The following CADPS2 variants were observed in gnomAD, a reference collection of about 807,000 sequenced individuals.
CADPS2 encodes calcium-dependent secretion activator 2.
A neutral mutation model predicts 172.5 loss-of-function variants in CADPS2; 93 were observed. The ratio of observed to expected loss-of-function variants is 0.54; its 90% CI spans 0.46 to 0.64. The LOEUF (loss-of-function observed/expected upper bound fraction) is 0.64. CADPS2 is among the 30% of genes least tolerant of loss of function. The pLI is 0.00. For missense variants in CADPS2, 1,420 were observed against 1,565.9 expected (o/e 0.91, Z 1.57); for synonymous variants, 546 against 555.2 (o/e 0.98, Z 0.23).
At chr7:122,603,460 GA>G (rs11451995) in intron 6 of CADPS2, among the ~76,000 whole-genome samples, 5 of 147,928 alleles carry the variant, frequency 3.4e-5, no homozygotes, top group Admixed American at 6.7e-5. Context: ...TACATGAGCA[GA>G]AAAAAAAAAC....
intron 1 of CADPS2, among the ~76,000 whole-genome samples, chr7:122,765,706 C>T (rs1303321668): frequency 6.6e-6 from 1 of 152,046 alleles, no homozygotes; most frequent in African/African-American, 2.4e-5. Flanking sequence ...CAATAATTGA[C>T]ATCCTTGTAT....
At chr7:122,701,076 T>C (rs2085978915) in intron 2 of CADPS2, among the ~76,000 whole-genome samples, 1 of 152,044 alleles carries the variant, frequency 6.6e-6, no homozygotes, top group African/African-American at 2.4e-5. Flanking sequence ...GTACAAGAAT[T>C]AGTATTAAAA....
rs1026274032 is a variant in CADPS2 at position 122,701,333 on chromosome 7, C to T, written c.453+35622G>A. Among the ~76,000 whole-genome samples the T allele has an allele frequency of 9.9e-5, 15 of 151,862 alleles. 1 individual carries two copies. In the South Asian group the frequency reaches 2.5e-3, roughly 25 times the overall value. On this transcript the variant is annotated intron_variant, in intron 2 of 29. Coordinates refer to ENST00000449022, the MANE Select transcript of CADPS2 (RefSeq NM_017954.11). The stretch of plus-strand genomic sequence containing the variant: ...GAAACCATCATTCTCAGCGAACTAT[C>T]GCAAGGACAAAAAACCAAACACCGC...
chr7:122,461,774 T>C (rs2054475281), intron 14 of CADPS2, among the ~76,000 whole-genome samples: 1 of 152,022 alleles, frequency 6.6e-6, no homozygotes, highest in Non-Finnish European at 1.5e-5. Context: ...TTTGCATTTT[T>C]CAGTAGAGAG....
chr7:122,681,233 T>C (rs1186414746), intron 2 of CADPS2: 39 of 700,770 alleles, frequency 5.6e-5, no homozygotes, highest in Non-Finnish European at 6.9e-5. Flanking sequence ...ACATATGTAA[T>C]GAACCTGCAC....
chr7:122,663,943 A>G (rs756365345), intron 2 of CADPS2, among the ~76,000 whole-genome samples: 5 of 152,086 alleles, frequency 3.3e-5, no homozygotes, highest in Non-Finnish European at 5.9e-5. Context: ...GTTCAGAGTG[A>G]AAGGACAGCT....
intron 9 of CADPS2, among the ~76,000 whole-genome samples, chr7:122,501,645 C>T (rs546709731): frequency 2.6e-5 from 4 of 151,914 alleles, no homozygotes; most frequent in African/African-American, 9.6e-5. Context: ...ATCAGGAGAT[C>T]GAGACCATCC....
intron 17 of CADPS2, among the ~76,000 whole-genome samples, chr7:122,436,631 A>G (rs969154613): frequency 1.3e-5 from 2 of 152,082 alleles, no homozygotes; most frequent in African/African-American, 4.8e-5. Flanking sequence ...AAGACTGCTC[A>G]GCATTCCTAC....
intron 2 of CADPS2, among the ~76,000 whole-genome samples, chr7:122,682,926 A>G (rs897672672): frequency 2.0e-5 from 3 of 152,198 alleles, no homozygotes; most frequent in East Asian, 3.9e-4. Context: ...GAGAGAGAAC[A>G]TGCAAGCAAG....
chr7:122,699,064 G>A, intron 2 of CADPS2: 2 of 611,808 alleles, frequency 3.3e-6, no homozygotes, highest in East Asian at 5.7e-5. Flanking sequence ...AATTCTTAAA[G>A]ATGGCTTATG....
intron 1 of CADPS2, among the ~76,000 whole-genome samples, chr7:122,884,298 T>C (rs1181842484): frequency 6.6e-6 from 1 of 152,166 alleles, no homozygotes; most frequent in South Asian, 2.1e-4. Context: ...GTCGCTTGAC[T>C]AGAATTGAGA....
At chr7:122,746,625 A>G (rs1442582179) in intron 1 of CADPS2, among the ~76,000 whole-genome samples, 1 of 109,956 alleles carries the variant, frequency 9.1e-6, no homozygotes, top group African/African-American at 5.4e-5. Context: ...GCTAAAACAC[A>G]CAGACACACA....
chr7:122,646,887 C>T (rs1275725664), intron 3 of CADPS2, among the ~76,000 whole-genome samples: 1 of 151,876 alleles, frequency 6.6e-6, no homozygotes, highest in African/African-American at 2.4e-5. Context: ...ATGGCAATTG[C>T]TATGAAATAA....
At chr7:122,859,045 G>A (rs1029947678) in intron 1 of CADPS2, among the ~76,000 whole-genome samples, 10 of 152,158 alleles carry the variant, frequency 6.6e-5, no homozygotes, top group African/African-American at 2.4e-4. Context: ...GTTTCTAATA[G>A]AATTCAGGTC....
At chr7:122,824,628 T>A (rs1349344417) in intron 1 of CADPS2, among the ~76,000 whole-genome samples, 10 of 152,222 alleles carry the variant, frequency 6.6e-5, no homozygotes, top group African/African-American at 1.2e-4. Context: ...TAAATACTTT[T>A]AGTCCTTTAG....
chr7:122,861,674 TTTAA>T (rs1226094527), intron 1 of CADPS2, among the ~76,000 whole-genome samples: 2 of 152,240 alleles, frequency 1.3e-5, no homozygotes, highest in African/African-American at 2.4e-5. Flanking sequence ...ATAGAGGATT[TTTAA>T]TTTTCTCACC....
At chr7:122,691,308 A>G (rs1012763462) in intron 2 of CADPS2, among the ~76,000 whole-genome samples, 1 of 152,178 alleles carries the variant, frequency 6.6e-6, no homozygotes, top group Non-Finnish European at 1.5e-5. Flanking sequence ...TGCTATTACT[A>G]ACTGCTTCTG....
At chr7:122,506,802 C>T (rs1299365551) in intron 9 of CADPS2, among the ~76,000 whole-genome samples, 1 of 150,970 alleles carries the variant, frequency 6.6e-6, no homozygotes, top group East Asian at 1.9e-4. Context: ...CTTCAAGATC[C>T]AGATAGATTG....
chr7:122,383,098 T>C (rs111558104), intron 24 of CADPS2, among the ~76,000 whole-genome samples: 274 of 152,156 alleles, frequency 1.8e-3, no homozygotes, highest in African/African-American at 6.3e-3. Context: ...CCATCAATGG[T>C]AGACCAGATA....
Sources: allele counts gnomAD v4.1 joint callset (sites outside exome capture counted in the v4.1 genomes callset), GRCh38; gene constraint gnomAD v4.1.1; transcripts MANE v1.5; gene names NCBI Gene and HGNC (gene_info 2026-07-23, HGNC 2026-07-21).